Variants in EXOC4 observed in about 807,000 individuals in gnomAD.
EXOC4 encodes the protein exocyst complex component 4.
Under a neutral mutation model 107.2 loss-of-function variants are expected in EXOC4, and 71 were observed. The ratio of observed to expected loss-of-function variants is 0.66; its 90% CI spans 0.55 to 0.81. The LOEUF (loss-of-function observed/expected upper bound fraction) is 0.81. EXOC4 is among the 30% of genes least tolerant of loss of function. The probability of loss-of-function intolerance (pLI) is 0.00; values close to 1 mark genes in which losing one functional copy is unlikely to be tolerated. For synonymous variants in EXOC4, 456 were observed against 441.2 expected (o/e 1.03, Z -0.42); for missense variants, 1,108 against 1,189.6 (o/e 0.93, Z 1.01).
At chr7:133,607,463 A>G (rs889322790) in intron 9 of EXOC4, among the ~76,000 whole-genome samples, 1 of 152,270 alleles carries the variant, frequency 6.6e-6, no homozygotes, top group Non-Finnish European at 1.5e-5. Context: ...TGGAAATAAA[A>G]ATAGATTCGG....
At chr7:133,326,106 C>T (rs934741798) in intron 5 of EXOC4, among the ~76,000 whole-genome samples, 5 of 152,178 alleles carry the variant, frequency 3.3e-5, no homozygotes, top group African/African-American at 1.2e-4. Context: ...TCTAGTTAGC[C>T]ATTCGTCTAA....
chr7:133,784,979 A>G (rs1420061573), intron 10 of EXOC4, among the ~76,000 whole-genome samples: 1 of 152,180 alleles, frequency 6.6e-6, no homozygotes, highest in Non-Finnish European at 1.5e-5. Context: ...ATGACCACAG[A>G]ATAGTGTATT....
intron 12 of EXOC4, among the ~76,000 whole-genome samples, chr7:133,900,531 C>G (rs1050045855): frequency 6.6e-6 from 1 of 152,108 alleles, no homozygotes; most frequent in Admixed American, 6.5e-5. Flanking sequence ...AATTAGGTAG[C>G]GAGGAGCCAC....
intron 12 of EXOC4, among the ~76,000 whole-genome samples, chr7:133,914,081 A>T (rs985134373): frequency 6.6e-6 from 1 of 152,186 alleles, no homozygotes; most frequent in Admixed American, 6.5e-5. Flanking sequence ...CAGTGGAGTA[A>T]TGGTTCTAGA....
At chr7:134,004,653 A>G (rs191650882) in intron 15 of EXOC4, among the ~76,000 whole-genome samples, 3 of 152,286 alleles carry the variant, frequency 2.0e-5, no homozygotes, top group South Asian at 4.1e-4. Context: ...CAGTTGTTCT[A>G]TAGAATAACT....
At chr7:133,828,774 T>C (rs2151234423) in intron 11 of EXOC4, among the ~76,000 whole-genome samples, 1 of 152,302 alleles carries the variant, frequency 6.6e-6, no homozygotes, top group Admixed American at 6.5e-5. Flanking sequence ...AATGAAATGA[T>C]TAATATTTAT....
intron 9 of EXOC4, among the ~76,000 whole-genome samples, chr7:133,571,321 C>T (rs1033187789): frequency 1.3e-5 from 2 of 152,104 alleles, no homozygotes; most frequent in Admixed American, 6.5e-5. Context: ...AATGAAGAAA[C>T]GTGTCTTCAC....
chr7:133,662,630 A>G (rs184925630), intron 10 of EXOC4, among the ~76,000 whole-genome samples: 1 of 152,256 alleles, frequency 6.6e-6, no homozygotes, highest in African/African-American at 2.4e-5. Context: ...AACAACAACA[A>G]CAACAAAATA....
At chr7:134,044,233 A>G (rs972001484) in intron 17 of EXOC4, among the ~76,000 whole-genome samples, 1 of 152,186 alleles carries the variant, frequency 6.6e-6, no homozygotes, top group Non-Finnish European at 1.5e-5. Context: ...CCTCTGAGCC[A>G]CAGGGAAGTA....
intron 9 of EXOC4, among the ~76,000 whole-genome samples, chr7:133,562,336 G>C (rs185495305): frequency 6.6e-6 from 1 of 152,272 alleles, no homozygotes; most frequent in Admixed American, 6.5e-5. Flanking sequence ...GCCCTAGCCT[G>C]ACCTCTGGAT....
At chr7:134,007,970 TTAGGTCCTA>T in intron 17 of EXOC4, 135 bp downstream of exon 17, 1 of 787,498 alleles carries the variant, frequency 1.3e-6, no homozygotes, top group Admixed American at 3.2e-5. Flanking sequence ...ATAGATGTTT[TTAGGTCCTA>T]TAGAGAAAAT....
At chr7:133,387,049 C>G (rs903310464) in intron 7 of EXOC4, among the ~76,000 whole-genome samples, 1 of 152,166 alleles carries the variant, frequency 6.6e-6, no homozygotes, top group Admixed American at 6.5e-5. Context: ...TATCTTAAAG[C>G]AGCAAATCTC....
At chr7:133,871,291 C>T (rs1425463997) in intron 11 of EXOC4, among the ~76,000 whole-genome samples, 1 of 133,074 alleles carries the variant, frequency 7.5e-6, no homozygotes, top group South Asian at 2.5e-4. Context: ...AAACCAGCCA[C>T]ACAACCAAAA....
chr7:134,028,544 A>C (rs556710330), intron 17 of EXOC4, among the ~76,000 whole-genome samples: 71 of 152,358 alleles, frequency 4.7e-4, no homozygotes, highest in Admixed American at 2.5e-3. Flanking sequence ...CTTTGGAAGA[A>C]GGCATGGAGT....
At chr7:133,254,128 C>T (rs976788735) in intron 1 of EXOC4, 8 of 152,148 alleles carry the variant, frequency 5.3e-5, no homozygotes, top group Admixed American at 5.2e-4. Context: ...ATCATCTTTT[C>T]AAAACCCAGG....
At chr7:133,272,018 T>C (rs903588088) in intron 1 of EXOC4, among the ~76,000 whole-genome samples, 2 of 152,198 alleles carry the variant, frequency 1.3e-5, no homozygotes, top group Non-Finnish European at 2.9e-5. Flanking sequence ...GGAAAAACGC[T>C]ACTGTCTTTG....
At chr7:133,431,783 C>T (rs890840718) in intron 7 of EXOC4, among the ~76,000 whole-genome samples, 3 of 152,152 alleles carry the variant, frequency 2.0e-5, no homozygotes, top group Non-Finnish European at 4.4e-5. Context: ...AATCATTGTG[C>T]AAAAGCTGCA....
intron 7 of EXOC4, among the ~76,000 whole-genome samples, chr7:133,454,036 C>G (rs546323417): frequency 6.6e-6 from 1 of 152,152 alleles, no homozygotes; most frequent in African/African-American, 2.4e-5. Context: ...CATTTCAAGA[C>G]AATTTATGAT....
At position 134,060,120 on chromosome 7, in the gene EXOC4, T is replaced by C. The variant is rs527349604; in HGVS notation, c.2688-4171T>C. ...TTTGCACCAGAACAAAGCATAAACA[T>C]TGTTATGTTCTAGACTCTGCACATG... On this transcript the variant is annotated intron_variant, in intron 17 of 17. Coordinates refer to ENST00000253861, the MANE Select transcript of EXOC4 (RefSeq NM_021807.4). 4.6e-5 allele frequency among the ~76,000 whole-genome samples: 7 copies of C among 152,240 alleles called. No homozygotes were observed. In the South Asian group the frequency reaches 1.5e-3, roughly 32 times the overall value.
Sources: gnomAD v4.1 joint callset for allele counts (sites outside exome capture counted in the v4.1 genomes callset) on GRCh38, gnomAD v4.1.1 for gene constraint, MANE v1.5 for transcripts, NCBI Gene and HGNC (gene_info 2026-07-23, HGNC 2026-07-21) for gene names.